Variants in SLCO1A2 observed in about 807,000 individuals in gnomAD.
The protein encoded by SLCO1A2 is solute carrier organic anion transporter family member 1A2.
Under a neutral mutation model 69.0 loss-of-function variants are expected in SLCO1A2, and 67 were observed. The observed-to-expected ratio is 0.97, with a 90% CI of 0.80 to 1.19. The LOEUF (loss-of-function observed/expected upper bound fraction) is 1.19. Ranked by LOEUF, SLCO1A2 falls within the 50% of genes most tolerant of loss-of-function variation. SLCO1A2 has a pLI of 0.00. For missense variants in SLCO1A2, 787 were observed against 793.7 expected (o/e 0.99, Z 0.10); for synonymous variants, 260 against 265.9 (o/e 0.98, Z 0.22).
rs1403504221 is a variant in SLCO1A2, at chr12:21,362,741, T to A, written c.-63+11658A>T. ...AAATGGAAAACAAAAAAAGGCAGGG[T>A]TGCAATCCTAGTCTCTGATAAAACA... On this transcript the variant is annotated intron_variant, in intron 2 of 15. Coordinates refer to the SLCO1A2 transcript ENST00000307378. Among the ~76,000 whole-genome samples, 4 of 152,028 alleles carry A rather than the reference T, an allele frequency of 2.6e-5. No homozygotes were observed. In the South Asian group the frequency reaches 8.3e-4, roughly 32 times the overall value.
At chr12:21,391,734 T>TA (rs1941164816) in intron 1 of SLCO1A2, among the ~76,000 whole-genome samples, 1 of 150,168 alleles carries the variant, frequency 6.7e-6, no homozygotes, top group African/African-American at 2.5e-5. Flanking sequence ...CCGTTGACAT[T>TA]CAAAAGAAAA....
chr12:21,323,274 TG>T (rs772955042), intron 2 of SLCO1A2, among the ~76,000 whole-genome samples: 18 of 152,156 alleles, frequency 1.2e-4, no homozygotes, highest in Non-Finnish European at 1.9e-4. Context: ...TAATATATAC[TG>T]ACCAGGCACC....
At chr12:21,299,772 A>ATATGTGTGTG (rs1948333452) in intron 8 of SLCO1A2, among the ~76,000 whole-genome samples, 2 of 91,328 alleles carry the variant, frequency 2.2e-5, no homozygotes, top group South Asian at 6.2e-4. Context: ...ATACGTGTGT[A>ATATGTGTGTG]TATATATATA....
chr12:21,408,203 A>ATT, intron 1 of SLCO1A2, among the ~76,000 whole-genome samples: 1 of 152,234 alleles, frequency 6.6e-6, no homozygotes, highest in African/African-American at 2.4e-5. Context: ...TGCCTGTTTT[A>ATT]TATGACAAAC....
chr12:21,271,117 C>T (rs1591767433), intron 14 of SLCO1A2, among the ~76,000 whole-genome samples: 1 of 151,800 alleles, frequency 6.6e-6, no homozygotes, highest in African/African-American at 2.4e-5. Flanking sequence ...TGTAAATGCT[C>T]TATTTGCAAA....
At chr12:21,346,160 AC>A (rs1402991800) in intron 2 of SLCO1A2, among the ~76,000 whole-genome samples, 10 of 151,946 alleles carry the variant, frequency 6.6e-5, no homozygotes, top group African/African-American at 2.4e-4. Context: ...CAAGAAAAAA[AC>A]CATACTCATT....
intron 12 of SLCO1A2, among the ~76,000 whole-genome samples, chr12:21,291,583 T>C (rs958067148): frequency 3.9e-5 from 6 of 152,152 alleles, no homozygotes; most frequent in East Asian, 1.9e-4. Context: ...ACTGGTGTAG[T>C]TGAAAGAAGA....
At chr12:21,408,402 A>G (rs1282139312) in intron 1 of SLCO1A2, among the ~76,000 whole-genome samples, 1 of 152,062 alleles carries the variant, frequency 6.6e-6, no homozygotes, top group Non-Finnish European at 1.5e-5. Flanking sequence ...TGAAACATAG[A>G]GTCCTTTAAG....
At chr12:21,401,229 G>T (rs926928077) in intron 1 of SLCO1A2, among the ~76,000 whole-genome samples, 3 of 151,596 alleles carry the variant, frequency 2.0e-5, no homozygotes, top group Non-Finnish European at 2.9e-5. Context: ...TCACAAAAAA[G>T]TTCCTATATT....
chr12:21,418,131 G>A (rs1474040543), upstream of SLCO1A2: 4 of 152,148 alleles, frequency 2.6e-5, no homozygotes, highest in Non-Finnish European at 2.9e-5. Context: ...AGGCAACAAA[G>A]GGAAGCTAAA....
intron 1 of SLCO1A2, among the ~76,000 whole-genome samples, chr12:21,385,485 CTGG>C (rs1440508653): frequency 6.6e-6 from 1 of 152,148 alleles, no homozygotes; most frequent in Non-Finnish European, 1.5e-5. Flanking sequence ...TAGCTAACAG[CTGG>C]TTAAGAGCAA....
In SLCO1A2 at chr12:21,301,178, C is replaced by T; in HGVS notation, c.681G>A (p.Val227=). The change falls in exon 7 of 15, where the codon GTG becomes GTA. Residue 227 remains valine (V), a synonymous_variant. Coordinates refer to ENST00000683939, the MANE Select transcript of SLCO1A2 (RefSeq NM_001386879.1). ...TAGATTTTATTGAATTACCTGTGTTCACAAATCCAGTGTCAACATAAACAT... is the reference window on the plus strand; with the variant it reads ...TAGATTTTATTGAATTACCTGTGTTTACAAATCCAGTGTCAACATAAACAT... ...CANVYVDTGF[V]NTDDLIITPT... 6.2e-7 allele frequency: 1 copy of T among 1,607,510 alleles called. No individual in the cohort carries two copies. Among genetic ancestry groups the T allele is most frequent in the Non-Finnish European group, 8.5e-7 (1 of 1,175,090 alleles).
At chr12:21,414,150 C>T (rs193272951) in intron 1 of SLCO1A2, among the ~76,000 whole-genome samples, 226 of 152,238 alleles carry the variant, frequency 1.5e-3, no homozygotes, top group African/African-American at 5.3e-3. Context: ...CCAGCAATAG[C>T]AATAAATTCC....
At chr12:21,270,132 T>A (rs1264007053) in intron 14 of SLCO1A2, among the ~76,000 whole-genome samples, 1 of 151,868 alleles carries the variant, frequency 6.6e-6, no homozygotes, top group Non-Finnish European at 1.5e-5. Flanking sequence ...TCATCATGAA[T>A]TATAATATAT....
chr12:21,269,524 G>GA lies in SLCO1A2; in HGVS notation c.*23dup. 6.5e-7 allele frequency: 1 copy of GA among 1,549,392 alleles called. No individual in the cohort carries two copies. The highest frequency in any genetic ancestry group is 8.9e-7 in the Non-Finnish European group (1 of 1,126,380). On this transcript the variant is annotated 3_prime_UTR_variant, in exon 15 of 15. Coordinates refer to ENST00000683939, the MANE Select transcript of SLCO1A2 (RefSeq NM_001386879.1). ...GTTGTACAGCATGTTCTCTAATTCTGAAAAAAGTAATATAATAGGACAATT... is the reference window on the plus strand; with the variant it reads ...GTTGTACAGCATGTTCTCTAATTCTGAAAAAAAGTAATATAATAGGACAATT...
upstream of SLCO1A2, among the ~76,000 whole-genome samples, chr12:21,398,252 G>T (rs1305216293): frequency 6.6e-6 from 1 of 151,138 alleles, no homozygotes; most frequent in Admixed American, 6.6e-5. Flanking sequence ...ACACCTCTAC[G>T]CAAATAAACT....
intron 14 of SLCO1A2, among the ~76,000 whole-genome samples, chr12:21,270,783 T>TGTAA (rs531757171): frequency 3.3e-5 from 5 of 151,784 alleles, no homozygotes; most frequent in African/African-American, 1.2e-4. Flanking sequence ...AAAATCCCTA[T>TGTAA]GTAAGTGTTA....
intron 1 of SLCO1A2, among the ~76,000 whole-genome samples, chr12:21,383,162 A>C (rs1471048651): frequency 6.6e-6 from 1 of 152,160 alleles, no homozygotes; most frequent in Non-Finnish European, 1.5e-5. Context: ...TAAGGTTTTA[A>C]CTGGAAGAAA....
intron 7 of SLCO1A2, 32 bp from the exon 8 acceptor site, chr12:21,300,601 T>G (rs1395684036): frequency 1.4e-5 from 21 of 1,476,728 alleles, no homozygotes; most frequent in Non-Finnish European, 1.6e-5. Context: ...GTTATTAGCT[T>G]AAGTCAGTAT....
Sources: gnomAD v4.1 joint callset for allele counts (sites outside exome capture counted in the v4.1 genomes callset) on GRCh38, gnomAD v4.1.1 for gene constraint, MANE v1.5 for transcripts, NCBI Gene and HGNC (gene_info 2026-07-23, HGNC 2026-07-21) for gene names.